Variants in CNTNAP5 observed in about 807,000 individuals in gnomAD.
CNTNAP5 encodes contactin associated protein family member 5, also known as contactin-associated protein-like 5.
A neutral mutation model predicts 150.2 loss-of-function variants in CNTNAP5; 72 were observed. That is an observed-to-expected ratio of 0.48 (90% CI 0.40 to 0.58). The LOEUF is 0.58. CNTNAP5 is among the 20% of genes least tolerant of loss of function. CNTNAP5 has a pLI of 0.00. For missense variants in CNTNAP5, 1,636 were observed against 1,626.2 expected, an observed-to-expected ratio of 1.01 and a Z score of -0.10; for synonymous variants, 672 against 619.8, an observed-to-expected ratio of 1.08 and a Z score of -1.25.
At position 124,293,745 on chromosome 2, in the gene CNTNAP5, C is replaced by T. The variant is rs555370607; in HGVS notation, c.381+51352C>T. Among the ~76,000 whole-genome samples the T allele has an allele frequency of 2.4e-4, 37 of 151,918 alleles. 1 individual carries two copies. In the South Asian group the frequency reaches 7.7e-3, roughly 32 times the overall value. ...CTGGTAGTGACTGAAATGCATACAC[C>T]GAGATAATCACCATAATCCTCTACA... On this transcript the variant is annotated intron_variant, in intron 3 of 23. Transcript: ENST00000682447.
intron 3 of CNTNAP5, among the ~76,000 whole-genome samples, chr2:124,409,843 C>A (rs1179996513): frequency 3.3e-5 from 5 of 151,996 alleles, no homozygotes; most frequent in African/African-American, 1.2e-4. Context: ...CACCAGCTAA[C>A]ATAATAATGA....
chr2:124,442,695 G>A (rs1174442160), intron 5 of CNTNAP5, among the ~76,000 whole-genome samples: 1 of 152,078 alleles, frequency 6.6e-6, no homozygotes, highest in Non-Finnish European at 1.5e-5. Context: ...ACAAATACCT[G>A]AGTGGTGAAT....
chr2:124,314,843 A>T (rs1051184374), intron 3 of CNTNAP5, among the ~76,000 whole-genome samples: 8 of 152,176 alleles, frequency 5.3e-5, no homozygotes, highest in Non-Finnish European at 7.3e-5. Context: ...GCATGTTCTT[A>T]TCTAATAAAA....
intron 19 of CNTNAP5, among the ~76,000 whole-genome samples, chr2:124,840,613 C>G (rs960274767): frequency 2.0e-5 from 3 of 152,060 alleles, no homozygotes; most frequent in East Asian, 3.9e-4. Flanking sequence ...GCCCTGCCCC[C>G]TCACAATCCA....
chr2:124,224,531 T>C (rs955975213), intron 2 of CNTNAP5, among the ~76,000 whole-genome samples: 1 of 151,836 alleles, frequency 6.6e-6, no homozygotes, highest in Non-Finnish European at 1.5e-5. Flanking sequence ...TACACACACA[T>C]ATGTAGTTGA....
intron 13 of CNTNAP5, among the ~76,000 whole-genome samples, chr2:124,665,713 C>T (rs939351988): frequency 1.3e-5 from 2 of 151,876 alleles, no homozygotes; most frequent in South Asian, 2.1e-4. Flanking sequence ...GGTGAAACCC[C>T]GTCTCTACTA....
chr2:124,408,288 GC>G (rs1691644251), intron 3 of CNTNAP5, among the ~76,000 whole-genome samples: 1 of 152,054 alleles, frequency 6.6e-6, no homozygotes, highest in African/African-American at 2.4e-5. Context: ...AAACTGCAAG[GC>G]CGCAGCGAGG....
chr2:124,392,890 ACT>A (rs1366435763), intron 3 of CNTNAP5, among the ~76,000 whole-genome samples: 1 of 152,188 alleles, frequency 6.6e-6, no homozygotes, highest in Non-Finnish European at 1.5e-5. Context: ...ACTCATCAAA[ACT>A]CTTCCTTAAA....
At chr2:124,421,340 C>T (rs999586814) in intron 4 of CNTNAP5, among the ~76,000 whole-genome samples, 1 of 152,202 alleles carries the variant, frequency 6.6e-6, no homozygotes, top group Non-Finnish European at 1.5e-5. Flanking sequence ...CTGCTCTTCT[C>T]TAACACTCCT....
At chr2:124,105,429 C>G (rs961267662) in intron 1 of CNTNAP5, among the ~76,000 whole-genome samples, 5 of 152,130 alleles carry the variant, frequency 3.3e-5, no homozygotes, top group African/African-American at 1.2e-4. Flanking sequence ...TATTGTCCAA[C>G]AGAGAATTTG....
At chr2:124,345,456 T>C (rs1689715610) in intron 3 of CNTNAP5, among the ~76,000 whole-genome samples, 3 of 152,102 alleles carry the variant, frequency 2.0e-5, no homozygotes, top group Non-Finnish European at 4.4e-5. Flanking sequence ...GGAGACCTGC[T>C]GTCATTAGTA....
chr2:124,578,923 C>T (rs1022762263), intron 11 of CNTNAP5, among the ~76,000 whole-genome samples: 1 of 152,110 alleles, frequency 6.6e-6, no homozygotes, highest in African/African-American at 2.4e-5. Flanking sequence ...TTTGCTTATG[C>T]CTCTATGAAA....
intron 1 of CNTNAP5, among the ~76,000 whole-genome samples, chr2:124,053,410 C>A (rs980747921): frequency 2.6e-5 from 4 of 152,126 alleles, no homozygotes; most frequent in African/African-American, 7.2e-5. Flanking sequence ...GAGCACCAGC[C>A]CAGAGAGCAT....
At chr2:124,842,958 G>A (rs925524888) in intron 19 of CNTNAP5, among the ~76,000 whole-genome samples, 6 of 151,818 alleles carry the variant, frequency 4.0e-5, no homozygotes, top group Non-Finnish European at 1.5e-5. Flanking sequence ...TTGGTTACAT[G>A]AATAATTTCT....
chr2:124,616,125 T>C (rs1313872308), intron 12 of CNTNAP5, among the ~76,000 whole-genome samples: 1 of 152,148 alleles, frequency 6.6e-6, no homozygotes, highest in Non-Finnish European at 1.5e-5. Flanking sequence ...AAATGAGCAT[T>C]AGCACTTGCA....
intron 10 of CNTNAP5, among the ~76,000 whole-genome samples, chr2:124,549,736 A>T (rs529896843): frequency 6.6e-6 from 1 of 152,318 alleles, no homozygotes; most frequent in African/African-American, 2.4e-5. Flanking sequence ...TTTTCTTCAA[A>T]TTTGAGAATC....
At position 124,617,563 on chromosome 2, in the gene CNTNAP5, A is replaced by G. The variant is rs188876244; in HGVS notation, c.1876+7643A>G. On this transcript the variant is annotated intron_variant, in intron 12 of 23. Coordinates refer to ENST00000682447, the MANE Select transcript of CNTNAP5 (RefSeq NM_001367498.1). ...TGTGTCCATTTCTTTTCTTCTTACA[A>G]GGATACCCTTCATACTGGATTAAGC... Among the ~76,000 whole-genome samples, 20 of 152,180 alleles carry G rather than the reference A, an allele frequency of 1.3e-4. No individual in the cohort carries two copies. In the East Asian group the frequency reaches 3.9e-3, roughly 30 times the overall value.
At chr2:124,269,359 A>C (rs555871011) in intron 3 of CNTNAP5, among the ~76,000 whole-genome samples, 2 of 152,234 alleles carry the variant, frequency 1.3e-5, no homozygotes, top group East Asian at 3.9e-4. Flanking sequence ...CAGGGCCCCC[A>C]TTAAGCTGAG....
chr2:124,655,957 A>AAGAC (rs1362673168), intron 13 of CNTNAP5, among the ~76,000 whole-genome samples: 1 of 138,578 alleles, frequency 7.2e-6, no homozygotes, highest in Non-Finnish European at 1.6e-5. Flanking sequence ...GAAAGAAAGA[A>AAGAC]AGAAAGAAAG....
Sources: allele counts gnomAD v4.1 joint callset (sites outside exome capture counted in the v4.1 genomes callset), GRCh38; gene constraint gnomAD v4.1.1; transcripts MANE v1.5; gene names NCBI Gene and HGNC (gene_info 2026-07-23, HGNC 2026-07-21).